FSTL4: variants seen among roughly 807,000 people sequenced by gnomAD.
FSTL4 encodes follistatin like 4, also known as follistatin-related protein 4.
Under a neutral mutation model 78.2 loss-of-function variants are expected in FSTL4, and 28 were observed. The observed-to-expected ratio is 0.36, with a 90% CI of 0.27 to 0.49. FSTL4 has a LOEUF of 0.49. FSTL4 is among the 20% of genes least tolerant of loss of function. The pLI is 0.98. For missense variants in FSTL4, 922 were observed against 1,084.9 expected (o/e 0.85, Z 2.11); for synonymous variants, 422 against 440.5 (o/e 0.96, Z 0.53).
chr5:133,577,966 A>G (rs1360794475), intron 2 of FSTL4, among the ~76,000 whole-genome samples: 1 of 152,232 alleles, frequency 6.6e-6, no homozygotes, highest in African/African-American at 2.4e-5. Flanking sequence ...CAGAGATAGC[A>G]CAGCAAGCAA....
chr5:133,600,913 T>C (rs1338419554), intron 2 of FSTL4, among the ~76,000 whole-genome samples: 2 of 152,228 alleles, frequency 1.3e-5, no homozygotes, highest in African/African-American at 4.8e-5. Context: ...ACTCTGCTGG[T>C]TTTGATTCTT....
chr5:133,354,026 G>A (rs979618114), intron 4 of FSTL4, among the ~76,000 whole-genome samples: 2 of 152,218 alleles, frequency 1.3e-5, no homozygotes, highest in African/African-American at 4.8e-5. Flanking sequence ...TGCACTGGCC[G>A]CAGGGTCAGG....
At chr5:133,430,910 T>C (rs1204350254) in intron 3 of FSTL4, among the ~76,000 whole-genome samples, 2 of 152,182 alleles carry the variant, frequency 1.3e-5, no homozygotes, top group Non-Finnish European at 2.9e-5. Context: ...AAACAAGAAT[T>C]TCCCCTTCAT....
At chr5:133,601,385 A>C (rs1233450552) in intron 2 of FSTL4, among the ~76,000 whole-genome samples, 4 of 152,250 alleles carry the variant, frequency 2.6e-5, no homozygotes, top group African/African-American at 7.2e-5. Context: ...AAAAAGAGAA[A>C]GGAAGGACTA....
At chr5:133,360,802 T>C (rs1244988662) in intron 4 of FSTL4, among the ~76,000 whole-genome samples, 1 of 152,216 alleles carries the variant, frequency 6.6e-6, no homozygotes, top group Non-Finnish European at 1.5e-5. Flanking sequence ...CCAGAGTAAT[T>C]GAAAAGCCTC....
chr5:133,526,667 GT>G (rs1177777663), intron 3 of FSTL4, among the ~76,000 whole-genome samples: 1 of 152,176 alleles, frequency 6.6e-6, no homozygotes, highest in Admixed American at 6.5e-5. Flanking sequence ...GAGTTGTGAA[GT>G]GGCGCTATGC....
chr5:133,206,868 T>TA (rs1183823877), intron 14 of FSTL4, among the ~76,000 whole-genome samples: 1 of 152,160 alleles, frequency 6.6e-6, no homozygotes, highest in African/African-American at 2.4e-5. Flanking sequence ...TTCAGGCTTT[T>TA]AAGACCCAAG....
intron 3 of FSTL4, among the ~76,000 whole-genome samples, chr5:133,467,252 ATGTGAGTG>A: frequency 8.0e-6 from 1 of 124,356 alleles, no homozygotes; most frequent in African/African-American, 3.7e-5. Context: ...GAATGAGTAT[ATGTGAGTG>A]TGTGTGTGTG....
intron 3 of FSTL4, among the ~76,000 whole-genome samples, chr5:133,442,051 CAAT>C (rs1358672420): frequency 6.6e-6 from 1 of 152,202 alleles, no homozygotes; most frequent in African/African-American, 2.4e-5. Context: ...TTTGAGCTGT[CAAT>C]AAATTCTCAG....
chr5:133,783,094 T>C, the FSTL4 span, among the ~76,000 whole-genome samples: 1 of 152,202 alleles, frequency 6.6e-6, no homozygotes, highest in Non-Finnish European at 1.5e-5. Flanking sequence ...TCCAAACTTC[T>C]AGAAACCCCC....
At chr5:133,354,579 C>A (rs956890600) in intron 4 of FSTL4, among the ~76,000 whole-genome samples, 5 of 152,264 alleles carry the variant, frequency 3.3e-5, no homozygotes, top group Non-Finnish European at 1.5e-5. Flanking sequence ...TCAATGAGAC[C>A]ACGTAAGCTC....
At chr5:133,595,895 C>T (rs549187059) in intron 2 of FSTL4, among the ~76,000 whole-genome samples, 4 of 152,312 alleles carry the variant, frequency 2.6e-5, no homozygotes, top group Admixed American at 2.0e-4. Flanking sequence ...CTCCGGGGCC[C>T]TCTGAGTTGA....
chr5:133,572,735 T>C (rs773485530), intron 2 of FSTL4, among the ~76,000 whole-genome samples: 2 of 151,966 alleles, frequency 1.3e-5, no homozygotes, highest in Non-Finnish European at 2.9e-5. Context: ...TTAAAAAAGA[T>C]CAGGAGGTCA....
the FSTL4 span, among the ~76,000 whole-genome samples, chr5:133,625,712 T>C: frequency 8.8e-6 from 1 of 114,188 alleles, no homozygotes; most frequent in African/African-American, 3.5e-5. Context: ...CTAAGATTAT[T>C]TGAGACAGTT....
At chr5:133,772,551 G>A in the FSTL4 span, among the ~76,000 whole-genome samples, 1 of 152,082 alleles carries the variant, frequency 6.6e-6, no homozygotes, top group Admixed American at 6.6e-5. Context: ...AAATTTATTT[G>A]GCTCACAGCT....
the FSTL4 span, among the ~76,000 whole-genome samples, chr5:133,802,381 G>A: frequency 2.0e-5 from 3 of 152,288 alleles, no homozygotes; most frequent in East Asian, 1.9e-4. Context: ...CTGAAAGGTC[G>A]TTATCTTCAG....
the FSTL4 span, among the ~76,000 whole-genome samples, chr5:133,623,255 G>A: frequency 2.0e-5 from 3 of 151,950 alleles, no homozygotes; most frequent in Non-Finnish European, 2.9e-5. Flanking sequence ...ACACTTCAAC[G>A]CTTACTACAA....
rs979913359 is a variant in FSTL4 at position 133,225,002 on chromosome 5, C to T, written c.1312+148G>A. The T allele has an allele frequency of 8.8e-6, 8 of 910,934 alleles. No individual in the cohort carries two copies. Among genetic ancestry groups the T allele is most frequent in the Non-Finnish European group, 1.4e-5 (8 of 590,654 alleles). 56.4% of individuals were successfully genotyped at this position (910,934 alleles called of 1,614,324 possible). A position where few individuals can be genotyped will look rare whatever the true frequency, so the allele number is the denominator to read the frequency against. ...CTCACCTCTGGGTGCCCTCCAATTC[C>T]AGCTTTATGCAAAGAGGGATATGAG... On this transcript the variant is annotated intron_variant, in intron 10 of 15. Transcript: ENST00000265342. This position sits in a 1 kb window ranked among gnomAD's most constrained non-coding sequence, Gnocchi z 4.6.
At chr5:133,541,517 A>T (rs1436161848) in intron 3 of FSTL4, among the ~76,000 whole-genome samples, 1 of 152,200 alleles carries the variant, frequency 6.6e-6, no homozygotes, top group Admixed American at 6.5e-5. Context: ...AGACGAGGGG[A>T]CATAGACCCT....
Sources: allele counts gnomAD v4.1 joint callset (sites outside exome capture counted in the v4.1 genomes callset), GRCh38; gene constraint gnomAD v4.1.1; non-coding constraint Gnocchi (gnomAD v3.1); transcripts MANE v1.5; gene names NCBI Gene and HGNC (gene_info 2026-07-23, HGNC 2026-07-21).